Variants in ZNF804A observed in about 807,000 individuals in gnomAD.
ZNF804A encodes zinc finger protein 804A.
ZNF804A carries 2 observed loss-of-function variants against 16.5 expected under a neutral mutation model. The ratio of observed to expected loss-of-function variants is 0.12; its 90% confidence interval spans 0.05 to 0.38. The LOEUF (loss-of-function observed/expected upper bound fraction) is 0.38, where lower values mean the gene tolerates loss of function less well. ZNF804A is among the 10% of genes least tolerant of loss of function. The probability of loss-of-function intolerance (pLI) is 0.99; values close to 1 mark genes in which losing one functional copy is unlikely to be tolerated. For missense variants in ZNF804A, 1,473 were observed against 1,390.7 expected, an observed-to-expected ratio of 1.06 and a Z score of -0.94; for synonymous variants, 534 against 489.6, an observed-to-expected ratio of 1.09 and a Z score of -1.20.
At chr2:184,800,023 G>A (rs1694700259) in intron 1 of ZNF804A, among the ~76,000 whole-genome samples, 1 of 152,014 alleles carries the variant, frequency 6.6e-6, no homozygotes, top group South Asian at 2.1e-4. Context: ...TTGGTAGTTT[G>A]TGTCTTTCAA....
intron 1 of ZNF804A, among the ~76,000 whole-genome samples, chr2:184,639,131 C>T (rs951249063): frequency 2.3e-4 from 32 of 137,108 alleles, no homozygotes; most frequent in African/African-American, 7.3e-4. Flanking sequence ...TGGAGGGCAA[C>T]GGCGTGCTCT....
Position 184,732,246 on chromosome 2 carries a change from A to T in ZNF804A, c.111+133176A>T, listed in dbSNP as rs558071147. 3.8e-4 allele frequency among the ~76,000 whole-genome samples: 36 copies of T among 94,402 alleles called. No individual in the cohort carries two copies. The South Asian group carries it at 0.022, about 58-fold the overall frequency. 61.9% of individuals were successfully genotyped at this position (94,402 alleles called of 152,430 possible). A position where few individuals can be genotyped will look rare whatever the true frequency, so the allele number is the denominator to read the frequency against. ...TGTGAAGGGTGTAAGGTTTGTGTTT[A>T]AACTCATTTTTTTTTTGCATGTCAA... On this transcript the variant is annotated intron_variant, in intron 1 of 3. Coordinates refer to ENST00000302277, the MANE Select transcript of ZNF804A (RefSeq NM_194250.2).
At chr2:184,799,490 C>G (rs564634052) in intron 1 of ZNF804A, among the ~76,000 whole-genome samples, 1 of 152,000 alleles carries the variant, frequency 6.6e-6, no homozygotes, top group East Asian at 1.9e-4. Flanking sequence ...ATTAGAGTAA[C>G]GATGGTTAAG....
intron 1 of ZNF804A, among the ~76,000 whole-genome samples, chr2:184,656,389 T>A (rs1174713560): frequency 1.3e-5 from 2 of 152,080 alleles, no homozygotes; most frequent in East Asian, 3.8e-4. Flanking sequence ...GAATTACAGT[T>A]AAGGTGGGAA....
intron 1 of ZNF804A, among the ~76,000 whole-genome samples, chr2:184,799,063 G>A (rs1310798918): frequency 6.6e-6 from 1 of 152,134 alleles, no homozygotes. Flanking sequence ...ACAGAGTCCT[G>A]TGATATGAAT....
chr2:184,825,422 G>A (rs1695148007), intron 1 of ZNF804A, among the ~76,000 whole-genome samples: 1 of 152,046 alleles, frequency 6.6e-6, no homozygotes, highest in Non-Finnish European at 1.5e-5. Context: ...AGTGTCACAT[G>A]TTTTGTTTTC....
intron 1 of ZNF804A, among the ~76,000 whole-genome samples, chr2:184,680,354 G>A (rs942033427): frequency 1.3e-5 from 2 of 152,030 alleles, no homozygotes; most frequent in African/African-American, 4.8e-5. Context: ...CTGAACAGAT[G>A]TCGGGAGGTC....
chr2:184,797,284 A>G (rs1397612432), intron 1 of ZNF804A, among the ~76,000 whole-genome samples: 1 of 151,968 alleles, frequency 6.6e-6, no homozygotes, highest in African/African-American at 2.4e-5. Flanking sequence ...TCTATTGGTA[A>G]TTGTTTTATA....
chr2:184,808,472 C>A (rs2105785555), intron 1 of ZNF804A, among the ~76,000 whole-genome samples: 1 of 151,558 alleles, frequency 6.6e-6, no homozygotes, highest in South Asian at 2.1e-4. Context: ...AAATGTGAAT[C>A]TCTTATATTG....
chr2:184,820,263 A>G (rs897236540), intron 1 of ZNF804A, among the ~76,000 whole-genome samples: 1 of 152,178 alleles, frequency 6.6e-6, no homozygotes, highest in Non-Finnish European at 1.5e-5. Context: ...TTGGTTCAAC[A>G]TACGCAAATC....
At chr2:184,654,773 C>T (rs1291434775) in intron 1 of ZNF804A, among the ~76,000 whole-genome samples, 2 of 152,148 alleles carry the variant, frequency 1.3e-5, no homozygotes, top group African/African-American at 4.8e-5. Context: ...TCATGGTCAT[C>T]ATGTTAAGAA....
At chr2:184,801,285 T>C (rs1694722392) in intron 1 of ZNF804A, among the ~76,000 whole-genome samples, 1 of 152,130 alleles carries the variant, frequency 6.6e-6, no homozygotes, top group Non-Finnish European at 1.5e-5. Context: ...AGTTTTGCTA[T>C]TTATCCTGCT....
At chr2:184,870,449 A>C (rs1695958128) in intron 2 of ZNF804A, among the ~76,000 whole-genome samples, 1 of 152,082 alleles carries the variant, frequency 6.6e-6, no homozygotes, top group Non-Finnish European at 1.5e-5. Context: ...CATAGATCAA[A>C]TACTACATAA....
intron 1 of ZNF804A, among the ~76,000 whole-genome samples, chr2:184,629,954 T>G (rs1691578568): frequency 6.6e-6 from 1 of 152,144 alleles, no homozygotes; most frequent in East Asian, 1.9e-4. Context: ...CACCATACAC[T>G]ATACATTTCC....
At chr2:184,853,779 T>C (rs941734249) in intron 1 of ZNF804A, among the ~76,000 whole-genome samples, 13 of 151,978 alleles carry the variant, frequency 8.6e-5, no homozygotes, top group African/African-American at 3.1e-4. Flanking sequence ...TTTAATGTGC[T>C]GTTGAATTTT....
At chr2:184,932,436 T>C (rs770996537) in intron 2 of ZNF804A, among the ~76,000 whole-genome samples, 1 of 152,078 alleles carries the variant, frequency 6.6e-6, no homozygotes, top group Non-Finnish European at 1.5e-5. Flanking sequence ...AAAGAGAGCA[T>C]GTGCAAGGAA....
intron 1 of ZNF804A, among the ~76,000 whole-genome samples, chr2:184,611,444 G>A (rs1481991607): frequency 1.3e-5 from 2 of 151,924 alleles, no homozygotes; most frequent in Non-Finnish European, 2.9e-5. Flanking sequence ...TGAATATTTA[G>A]CCCTAAATAT....
chr2:184,650,503 T>C (rs181015684), intron 1 of ZNF804A, among the ~76,000 whole-genome samples: 3 of 151,764 alleles, frequency 2.0e-5, no homozygotes, highest in East Asian at 1.9e-4. Context: ...CCAAATAAGA[T>C]AAAAAGTAGC....
chr2:184,748,069 G>A lies in ZNF804A; in HGVS notation c.112-118300G>A, dbSNP rs1373407419. 2.0e-5 allele frequency among the ~76,000 whole-genome samples: 3 copies of A among 151,182 alleles called. No homozygotes were observed. In the Admixed American group the frequency reaches 2.0e-4, roughly 10 times the overall value. On this transcript the variant is annotated intron_variant, in intron 1 of 3. Coordinates refer to ENST00000302277, the MANE Select transcript of ZNF804A (RefSeq NM_194250.2). ...GCACTTTGGTTGATTCCATGTCTTT[G>A]CTATTGTAAATAGCATCGTGATGCA...
Sources: gnomAD v4.1 joint callset for allele counts (sites outside exome capture counted in the v4.1 genomes callset) on GRCh38, gnomAD v4.1.1 for gene constraint, MANE v1.5 for transcripts, NCBI Gene and HGNC (gene_info 2026-07-23, HGNC 2026-07-21) for gene names.